Variants in FAT2 observed in about 807,000 individuals in gnomAD.
The protein encoded by FAT2 is protocadherin Fat 2.
Under a neutral mutation model 295.3 loss-of-function variants are expected in FAT2, and 150 were observed. The observed-to-expected ratio is 0.51, with a 90% CI of 0.44 to 0.58. The LOEUF (loss-of-function observed/expected upper bound fraction) is 0.58. Ranked by LOEUF, FAT2 falls within the 20% of genes least tolerant of loss-of-function variation. The probability of loss-of-function intolerance (pLI) is 0.00; values close to 1 mark genes in which losing one functional copy is unlikely to be tolerated. For synonymous variants in FAT2, 2,026 were observed against 2,150.3 expected, an observed-to-expected ratio of 0.94 and a Z score of 1.60; for missense variants, 4,868 against 5,442.7, an observed-to-expected ratio of 0.89 and a Z score of 3.32.
In FAT2 at chr5:151,510,053, G is replaced by C. The variant is rs139448291; in HGVS notation, c.12027C>G (p.Ser4009=). The part of the protein sequence containing the change: ...GTCILSPKGA[S]CNCPHPYTGD... ...CTGTGTAAGGATGAGGGCAGTTACA[G>C]GAAGCTCCTTTGGGGGAGAGGATGC... The change falls in exon 22 of 24, where the codon TCC becomes TCG. Residue 4009 remains serine, a synonymous_variant. Coordinates refer to ENST00000261800, the MANE Select transcript of FAT2 (RefSeq NM_001447.3). 1.2e-6 allele frequency: 2 copies of C among 1,614,180 alleles called. No individual in the cohort carries two copies. Among genetic ancestry groups the C allele is most frequent in the Non-Finnish European group, 1.7e-6 (2 of 1,180,028 alleles).
intron 22 of FAT2, among the ~76,000 whole-genome samples, chr5:151,508,215 A>G (rs998463698): frequency 1.4e-4 from 21 of 152,144 alleles, no homozygotes; most frequent in African/African-American, 4.8e-4. Flanking sequence ...GCCCCATCCC[A>G]TTTGAGTCCA....
At chr5:151,534,971 AT>A (rs1377590371) in intron 12 of FAT2, among the ~76,000 whole-genome samples, 3 of 22,576 alleles carry the variant, frequency 1.3e-4, no homozygotes, top group African/African-American at 8.8e-4. Context: ...TTCTAGGAAA[AT>A]ATATATATAT....
chr5:151,543,212 C>A lies in FAT2; in HGVS notation c.7915G>T (p.Val2639Phe), dbSNP rs752875382. The change falls in exon 10 of 24, where the codon GTC becomes TTC. Residue 2639 changes from valine to phenylalanine, a missense_variant. Transcript: ENST00000261800. ...LVKDVIEINPVTGVVKVKDSL... is the reference protein window; with the variant it reads ...LVKDVIEINPFTGVVKVKDSL... ...TCTTTCACCTTGACCACACCAGTGA[C>A]TGGGTTAATTTCAATGACATCTTTA... The A allele has an allele frequency of 6.2e-7, 1 of 1,614,180 alleles. No individual in the cohort carries two copies. Among genetic ancestry groups the A allele is most frequent in the South Asian group, 1.1e-5 (1 of 91,082 alleles).
In FAT2 at chr5:151,563,723, C is replaced by A. The variant is rs1581444825; in HGVS notation, c.3260-84G>T. 18 of 1,104,320 alleles carry A rather than the reference C, an allele frequency of 1.6e-5. No homozygotes were observed. In the East Asian group the frequency reaches 3.8e-4, roughly 24 times the overall value. The allele number at this position is 1,104,320 out of a possible 1,614,324, so 68.4% of individuals were successfully genotyped here. A position where few individuals can be genotyped will look rare whatever the true frequency, so the allele number is the denominator to read the frequency against. Reference sequence around the variant, plus strand: ...TCACCCTTACCCACCATTCCCCAAACCGCACTGTGGAAAGGGTATTAATAA... The same window carrying A: ...TCACCCTTACCCACCATTCCCCAAAACGCACTGTGGAAAGGGTATTAATAA... On this transcript the variant is annotated intron_variant, in intron 2 of 23. Coordinates refer to ENST00000261800, the MANE Select transcript of FAT2 (RefSeq NM_001447.3).
At chr5:151,513,686 C>T (rs148352981) in intron 20 of FAT2, among the ~76,000 whole-genome samples, 1,869 of 152,118 alleles carry the variant, frequency 0.012, 40 homozygotes, top group African/African-American at 0.043. Flanking sequence ...TACACCAATC[C>T]CCTATGATAC....
At chr5:151,563,668 A>T (rs757301195) in intron 2 of FAT2, 29 bp from the exon 3 acceptor site, 1 of 1,596,300 alleles carries the variant, frequency 6.3e-7, no homozygotes, top group Non-Finnish European at 8.6e-7. Context: ...CAAACCCAAA[A>T]TACTTTAGAG....
intron 1 of FAT2, among the ~76,000 whole-genome samples, chr5:151,576,555 T>C (rs1758753991): frequency 6.6e-6 from 1 of 152,218 alleles, no homozygotes; most frequent in South Asian, 2.1e-4. Flanking sequence ...CAATAATAAA[T>C]GTTTTAGTTT....
Position 151,566,197 on chromosome 5 carries a change from A to G in FAT2, c.2735T>C (p.Ile912Thr). The change falls in exon 2 of 24, where the codon ATA becomes ACA. Residue 912 changes from isoleucine (I) to threonine (T), a missense_variant. Physicochemically the swap from Ile to Thr is moderately conservative, Grantham distance 89. Transcript: ENST00000261800. ...GHQLFSVTDL[I>T]ITLEDVNDNS... is the part of the protein sequence containing the mutation. ...GTCGTTGACATCCTCCAATGTGATT[A>G]TCAGGTCAGTGACAGAGAAGAGCTG... The G allele has an allele frequency of 6.2e-7, 1 of 1,614,120 alleles. No homozygotes were observed. Among genetic ancestry groups the G allele is most frequent in the Non-Finnish European group, 8.5e-7 (1 of 1,180,026 alleles).
intron 1 of FAT2, among the ~76,000 whole-genome samples, chr5:151,576,590 A>G (rs1758756237): frequency 6.6e-6 from 1 of 152,184 alleles, no homozygotes; most frequent in Non-Finnish European, 1.5e-5. Flanking sequence ...AGAAAGAAAA[A>G]CTTTTAGGTT....
At chr5:151,536,133 G>GT (rs1252698227) in intron 12 of FAT2, among the ~76,000 whole-genome samples, 2 of 152,134 alleles carry the variant, frequency 1.3e-5, no homozygotes, top group African/African-American at 4.8e-5. Context: ...GGAGGAAGGG[G>GT]TTATCATGCA....
At chr5:151,576,447 T>G (rs1157670779) in intron 1 of FAT2, among the ~76,000 whole-genome samples, 1 of 152,244 alleles carries the variant, frequency 6.6e-6, no homozygotes. Flanking sequence ...TATAGGTTTT[T>G]GGGTTTTTAA....
chr5:151,523,850 G>C (rs144456263), intron 18 of FAT2, among the ~76,000 whole-genome samples: 56 of 152,242 alleles, frequency 3.7e-4, no homozygotes, highest in Middle Eastern at 3.4e-3. Flanking sequence ...CCATAAACCT[G>C]TCCTGCCTTC....
At position 151,517,579 on chromosome 5, in the gene FAT2, G is replaced by C. The variant is rs761165557; in HGVS notation, c.11463+41C>G. ...GCCTCACCCCCTACCTCCCCAGCCT[G>C]GGACACCCACATGAAATCTCTCAGG... is the stretch of plus-strand genomic sequence containing the variant. On this transcript the variant is annotated intron_variant, in intron 20 of 23. Coordinates refer to ENST00000261800, the MANE Select transcript of FAT2 (RefSeq NM_001447.3). 9.3e-5 allele frequency: 150 copies of C among 1,611,896 alleles called. No individual in the cohort carries two copies. In the Middle Eastern group the frequency reaches 9.7e-4, roughly 10 times the overall value.
chr5:151,506,012 G>T lies in FAT2; in HGVS notation c.12603C>A (p.Gly4201=). Residue 4201 remains glycine, a synonymous_variant, in exon 24 of 24, where the codon GGC becomes GGA. Coordinates refer to ENST00000261800, the MANE Select transcript of FAT2 (RefSeq NM_001447.3). ...WEYPHSEVTQ[G]PLPPSAHRHS... The stretch of plus-strand genomic sequence containing the variant: ...GGCGGTGAGCCGAGGGCGGCAGAGG[G>T]CCCTGAGTCACTTCGGAGTGGGGGT... The T allele has an allele frequency of 6.3e-7, 1 of 1,575,408 alleles. No homozygotes were observed. The highest frequency in any genetic ancestry group is 8.6e-7 in the Non-Finnish European group (1 of 1,164,400).
At chr5:151,542,231 C>T (rs752499541) in intron 10 of FAT2, 54 bp downstream of exon 10, 143 of 1,510,856 alleles carry the variant, frequency 9.5e-5, no homozygotes, top group Non-Finnish European at 1.2e-4. Context: ...GCACCTCTTC[C>T]TGGATGTTTT....
chr5:151,562,749 G>A (rs937249319), intron 3 of FAT2, among the ~76,000 whole-genome samples: 1 of 152,224 alleles, frequency 6.6e-6, no homozygotes, highest in Non-Finnish European at 1.5e-5. Context: ...ACCTCTAAGA[G>A]CAATGTCTGA....
Position 151,566,079 on chromosome 5 carries a change from A to T in FAT2, c.2853T>A (p.Asp951Glu), listed in dbSNP as rs1476931001. Residue 951 changes from aspartate to glutamate, a missense_variant, in exon 2 of 24, where the codon GAT becomes GAA. This residue lies in a region of FAT2 where 3,297 missense variants were observed against 3,669.4 expected (regional missense o/e 0.90). Transcript: ENST00000261800. ...CTTCACCTGCGGGGCCCAGGTCAGGATCAGAGGCATCCAGAAATGTCAAGA... is the reference window on the plus strand; with the variant it reads ...CTTCACCTGCGGGGCCCAGGTCAGGTTCAGAGGCATCCAGAAATGTCAAGA... ...GTVLTFLDAS[D>E]PDLGPAGEVR... The T allele has an allele frequency of 1.2e-6, 2 of 1,614,102 alleles. No individual in the cohort carries two copies. The highest frequency in any genetic ancestry group is 3.3e-5 in the Admixed American group (2 of 60,018).
chr5:151,546,679 C>T (rs1339113343), intron 9 of FAT2, among the ~76,000 whole-genome samples: 1 of 152,032 alleles, frequency 6.6e-6, no homozygotes, highest in Non-Finnish European at 1.5e-5. Context: ...GTAGGAAAAG[C>T]TTCAGTTTGC....
Position 151,525,861 on chromosome 5 carries a change from G to A in FAT2, c.10413C>T (p.Asn3471=), listed in dbSNP as rs369724133. Residue 3471 remains asparagine (N), a synonymous_variant, in exon 18 of 24, where the codon AAC becomes AAT. Transcript: ENST00000261800. ...PYSFRITKGN[N]GSAFRVTPDG... is the part of the protein sequence containing the mutation. ...CCGGGGTCACTCGGAAGGCAGAGCC[G>A]TTGTTCCCCTTGGTGATTCGAAACG... 2.0e-5 allele frequency: 32 copies of A among 1,614,086 alleles called. No individual in the cohort carries two copies. The highest frequency in any genetic ancestry group is 1.6e-4 in the Middle Eastern group (1 of 6,062).
Sources: allele counts gnomAD v4.1 joint callset (sites outside exome capture counted in the v4.1 genomes callset), GRCh38; gene constraint gnomAD v4.1.1; regional missense constraint gnomAD v4.1.1; transcripts MANE v1.5; gene names NCBI Gene and HGNC (gene_info 2026-07-23, HGNC 2026-07-21).